ROBO2: variants seen among roughly 807,000 people sequenced by gnomAD.
ROBO2 encodes the protein roundabout homolog 2.
ROBO2 carries 53 observed loss-of-function variants against 160.8 expected under a neutral mutation model. The observed-to-expected ratio is 0.33, with a 90% CI of 0.26 to 0.41. ROBO2 has a LOEUF of 0.41. Ranked by LOEUF, ROBO2 falls within the 10% of genes least tolerant of loss-of-function variation. The probability of loss-of-function intolerance (pLI) is 1.00; values close to 1 mark genes in which losing one functional copy is unlikely to be tolerated. For missense variants in ROBO2, 1,577 were observed against 1,722.4 expected, an observed-to-expected ratio of 0.92 and a Z score of 1.49; for synonymous variants, 664 against 611.7, an observed-to-expected ratio of 1.09 and a Z score of -1.26.
chr3:76,338,242 C>A (rs948915905), intron 2 of ROBO2, among the ~76,000 whole-genome samples: 15 of 152,154 alleles, frequency 9.9e-5, no homozygotes, highest in African/African-American at 3.6e-4. Flanking sequence ...TTCCCCTTCT[C>A]ACATGTTTCT....
intron 2 of ROBO2, among the ~76,000 whole-genome samples, chr3:76,116,803 G>A (rs1468473640): frequency 1.3e-5 from 2 of 152,142 alleles, no homozygotes; most frequent in African/African-American, 4.8e-5. Flanking sequence ...GAGCACAGGT[G>A]AGCACAGACA....
intron 2 of ROBO2, among the ~76,000 whole-genome samples, chr3:76,324,934 G>T (rs1369569193): frequency 6.6e-6 from 1 of 152,070 alleles, no homozygotes. Flanking sequence ...GTGAAACCCC[G>T]TCTCTAATAA....
At chr3:76,277,412 A>G (rs981303572) in intron 2 of ROBO2, among the ~76,000 whole-genome samples, 1 of 151,976 alleles carries the variant, frequency 6.6e-6, no homozygotes, top group African/African-American at 2.4e-5. Context: ...CATCAGAAAT[A>G]GTTGACGGAC....
intron 2 of ROBO2, among the ~76,000 whole-genome samples, chr3:77,147,712 G>A (rs2077226592): frequency 6.6e-6 from 1 of 152,130 alleles, no homozygotes; most frequent in African/African-American, 2.4e-5. Flanking sequence ...TGCTTAATAT[G>A]ACACTTTCTT....
chr3:77,212,945 A>C (rs2151114203), intron 2 of ROBO2, among the ~76,000 whole-genome samples: 1 of 152,288 alleles, frequency 6.6e-6, no homozygotes, highest in Non-Finnish European at 1.5e-5. Context: ...ATGGTGGATA[A>C]GCTTTTTGAT....
At chr3:76,164,008 TC>T (rs1053346003) in intron 2 of ROBO2, among the ~76,000 whole-genome samples, 1 of 152,202 alleles carries the variant, frequency 6.6e-6, no homozygotes, top group African/African-American at 2.4e-5. Context: ...CAGTAGAATT[TC>T]TTTAAAAATT....
At chr3:76,820,809 C>G (rs1427115940) in intron 2 of ROBO2, among the ~76,000 whole-genome samples, 1 of 151,820 alleles carries the variant, frequency 6.6e-6, no homozygotes, top group East Asian at 1.9e-4. Context: ...ATTTTACCAC[C>G]AATAGTACTG....
intron 2 of ROBO2, among the ~76,000 whole-genome samples, chr3:76,067,934 C>A (rs753375889): frequency 6.6e-6 from 1 of 151,970 alleles, no homozygotes; most frequent in Non-Finnish European, 1.5e-5. Context: ...GAACAACGGG[C>A]GAAAATTTGT....
intron 2 of ROBO2, among the ~76,000 whole-genome samples, chr3:75,986,292 A>G (rs146318535): frequency 2.0e-5 from 3 of 151,658 alleles, no homozygotes; most frequent in East Asian, 3.9e-4. Context: ...CTAATGATTC[A>G]TTATGTTGAG....
rs560553461 is a variant in ROBO2 at position 76,381,377 on chromosome 3, G to A, written c.109+443775G>A. On this transcript the variant is annotated intron_variant, in intron 2 of 26. Transcript: ENST00000487694. ...TTTGTTATTATTTTTTTGAGATGGA[G>A]TCTCGCTTTGTCTCCCAGGCTGGAG... Among the ~76,000 whole-genome samples the A allele has an allele frequency of 5.9e-5, 9 of 152,154 alleles. No individual in the cohort carries two copies. In the East Asian group the frequency reaches 1.7e-3, roughly 29 times the overall value.
chr3:76,246,757 A>G (rs1304130954), intron 2 of ROBO2, among the ~76,000 whole-genome samples: 10 of 152,080 alleles, frequency 6.6e-5, no homozygotes, highest in Non-Finnish European at 1.3e-4. Context: ...TCTTAATTAA[A>G]TTTTATGGGT....
At position 76,887,193 on chromosome 3, in the gene ROBO2, C is replaced by T. The variant is rs9850941; in HGVS notation, c.110-210821C>T. On this transcript the variant is annotated intron_variant, in intron 2 of 26. Transcript: ENST00000487694. ...ATTGCCCTGCCTTTGCTTCAGGAAG[C>T]ATTTTTTTTTTTTTTTTTTTTTTTT... Among the ~76,000 whole-genome samples the T allele has an allele frequency of 2.8e-3, 333 of 120,446 alleles. 3 individuals carry two copies. Among genetic ancestry groups the T allele is most frequent in the African/African-American group, 0.011 (329 of 31,076 alleles). 79.0% of individuals were successfully genotyped at this position (120,446 alleles called of 152,430 possible). A position where few individuals can be genotyped will look rare whatever the true frequency, so the allele number is the denominator to read the frequency against.
chr3:76,551,937 G>C (rs2083447415), intron 2 of ROBO2, among the ~76,000 whole-genome samples: 1 of 152,192 alleles, frequency 6.6e-6, no homozygotes, highest in Non-Finnish European at 1.5e-5. Context: ...TGCTGGATCT[G>C]GTCTGGCAGT....
At chr3:76,817,019 A>G (rs1336396941) in intron 2 of ROBO2, among the ~76,000 whole-genome samples, 2 of 152,112 alleles carry the variant, frequency 1.3e-5, no homozygotes, top group African/African-American at 4.8e-5. Flanking sequence ...GGAGTTGAAC[A>G]GTAAGAACAT....
intron 2 of ROBO2, among the ~76,000 whole-genome samples, chr3:77,170,103 TA>T (rs1217320591): frequency 6.6e-6 from 1 of 152,286 alleles, no homozygotes; most frequent in East Asian, 1.9e-4. Context: ...TGTCACCTTT[TA>T]AAGAGTGTAC....
intron 2 of ROBO2, among the ~76,000 whole-genome samples, chr3:76,540,360 A>G (rs991978846): frequency 6.6e-5 from 10 of 152,214 alleles, no homozygotes; most frequent in Admixed American, 1.3e-4. Context: ...ACTTAATGCA[A>G]TAGCTAAAAG....
At chr3:76,521,994 A>G (rs1577862353) in intron 2 of ROBO2, among the ~76,000 whole-genome samples, 2 of 152,162 alleles carry the variant, frequency 1.3e-5, no homozygotes, top group East Asian at 3.9e-4. Flanking sequence ...TAAATAAATC[A>G]ACTTGATTTA....
chr3:76,675,442 G>A (rs928485164), intron 2 of ROBO2, among the ~76,000 whole-genome samples: 7 of 151,934 alleles, frequency 4.6e-5, no homozygotes, highest in South Asian at 2.1e-4. Context: ...AAAAAGAAAC[G>A]AAAACACATT....
intron 2 of ROBO2, among the ~76,000 whole-genome samples, chr3:76,756,014 T>A (rs1051761767): frequency 1.3e-5 from 2 of 151,872 alleles, no homozygotes; most frequent in Admixed American, 6.6e-5. Flanking sequence ...ACCCTATGTA[T>A]GATATCAATT....
Sources: gnomAD v4.1 joint callset for allele counts (sites outside exome capture counted in the v4.1 genomes callset) on GRCh38, gnomAD v4.1.1 for gene constraint, MANE v1.5 for transcripts, NCBI Gene and HGNC (gene_info 2026-07-23, HGNC 2026-07-21) for gene names.